Variants in BOP1 observed in about 807,000 individuals in gnomAD.
BOP1 encodes BOP1 ribosomal biogenesis factor.
In BOP1, 54 loss-of-function variants were observed where a neutral mutation model predicts 82.9. That is an observed-to-expected ratio of 0.65 (90% CI 0.52 to 0.82). The LOEUF (loss-of-function observed/expected upper bound fraction) is 0.82. BOP1 is among the 40% of genes least tolerant of loss of function. BOP1 has a pLI of 0.00. For synonymous variants in BOP1, 566 were observed against 451.1 expected (o/e 1.25, Z -3.23); for missense variants, 1,170 against 1,072.0 (o/e 1.09, Z -1.28).
At position 144,262,152 on chromosome 8, in the gene BOP1, C is replaced by G; in HGVS notation, c.*12G>C. On this transcript the variant is annotated 3_prime_UTR_variant, in exon 16 of 16. Transcript: ENST00000569669. ...TCAGCACGACCACCCCAGCCCCAGG[C>G]AGGCAGAACAGCTAGGTGAAGAGGC... The G allele has an allele frequency of 6.2e-7, 1 of 1,612,036 alleles. No individual in the cohort carries two copies. Among genetic ancestry groups the G allele is most frequent in the South Asian group, 1.1e-5 (1 of 91,034 alleles).
intron 3 of BOP1, 128 bp from the exon 4 acceptor site, chr8:144,265,199 C>T: frequency 3.7e-6 from 4 of 1,093,714 alleles, no homozygotes; most frequent in South Asian, 1.5e-5. Context: ...CCTGAGGTCA[C>T]TGGCCCTGAC....
rs782373009 is a variant in BOP1 at position 144,280,574 on chromosome 8, C to T, written c.310-4270G>A. 1.5e-4 allele frequency among the ~76,000 whole-genome samples: 23 copies of T among 152,224 alleles called. 1 individual carries two copies. Among genetic ancestry groups the T allele is most frequent in the South Asian group, 1.0e-3 (5 of 4,832 alleles). On this transcript the variant is annotated intron_variant, in intron 2 of 15. Transcript: ENST00000569669. The stretch of plus-strand genomic sequence containing the variant: ...CTCTCCTTAAATTATCTGGGAAGGC[C>T]GGGCCCAGTGGCTCACACCTGTCAT...
At position 144,277,482 on chromosome 8, in the gene BOP1, G is replaced by A. The variant is rs1554838394; in HGVS notation, c.310-1178C>T. Among the ~76,000 whole-genome samples the A allele has an allele frequency of 3.3e-4, 51 of 152,362 alleles. 2 individuals are homozygous for A. The South Asian group carries it at 9.1e-3, about 27-fold the overall frequency. On this transcript the variant is annotated intron_variant, in intron 2 of 15. Transcript: ENST00000569669. ...CGCCTGGCCTCTGCGGACGGGTACC[G>A]GGCTGGGCTCCCGACCCCTCACAGT...
intron 3 of BOP1, chr8:144,267,018 G>C (rs1486583921): frequency 2.9e-5 from 44 of 1,525,998 alleles, no homozygotes; most frequent in Non-Finnish European, 3.6e-5. Flanking sequence ...TGGCGGGCGA[G>C]GCCTGCGGCG....
At position 144,267,218 on chromosome 8, in the gene BOP1, A is replaced by C. The variant is rs2130211714; in HGVS notation, c.391-2147T>G. The C allele has an allele frequency of 2.7e-6, 4 of 1,485,190 alleles. No individual in the cohort carries two copies. The South Asian group carries it at 5.2e-5, about 19-fold the overall frequency. The allele number at this position is 1,485,190 out of a possible 1,614,324, so 92.0% of individuals were successfully genotyped here. A position where few individuals can be genotyped will look rare whatever the true frequency, so the allele number is the denominator to read the frequency against. On this transcript the variant is annotated intron_variant, in intron 3 of 15. Transcript: ENST00000569669. ...CGTGGGGCGCCGAGGGGGGCCTCCA[A>C]CGCGCCCCTCAGCCCACACCTGCCA...
chr8:144,267,757 A>C (rs1845412061), intron 3 of BOP1, among the ~76,000 whole-genome samples: 1 of 152,168 alleles, frequency 6.6e-6, no homozygotes. Context: ...GGGCCCCTGC[A>C]GGAGACGCTG....
At chr8:144,277,760 G>A (rs1303039700) in intron 2 of BOP1, among the ~76,000 whole-genome samples, 4 of 151,212 alleles carry the variant, frequency 2.6e-5, no homozygotes, top group South Asian at 2.1e-4. Flanking sequence ...ACCAGGGGGC[G>A]ACGGCGCTCA....
intron 2 of BOP1, among the ~76,000 whole-genome samples, chr8:144,285,216 G>A (rs752246961): frequency 4.5e-4 from 68 of 152,334 alleles, no homozygotes; most frequent in Non-Finnish European, 8.1e-4. Context: ...AGGGCTAGGC[G>A]GCCTGGGGAG....
intron 3 of BOP1, chr8:144,268,498 C>T (rs1845433870): frequency 5.2e-6 from 2 of 384,978 alleles, no homozygotes; most frequent in South Asian, 2.9e-5. Context: ...GGCCAACTGT[C>T]CTCATGAAAG....
intron 3 of BOP1, among the ~76,000 whole-genome samples, chr8:144,268,886 G>A (rs1376216844): frequency 6.6e-6 from 1 of 152,202 alleles, no homozygotes; most frequent in Admixed American, 6.5e-5. Context: ...GGGCCCTGAG[G>A]GTGAGGAGGG....
chr8:144,262,735 C>T (rs1332187011), intron 13 of BOP1, 63 bp from the exon 14 acceptor site: 16 of 1,532,558 alleles, frequency 1.0e-5, no homozygotes, highest in African/African-American at 8.4e-5. Flanking sequence ...CTGCCCTGCC[C>T]GTCACCTACA....
In BOP1 at chr8:144,284,798, C is replaced by T. The variant is rs1052168610; in HGVS notation, c.309+4297G>A. Among the ~76,000 whole-genome samples, 70 of 152,204 alleles carry T rather than the reference C, an allele frequency of 4.6e-4. 1 individual carries two copies. Among genetic ancestry groups the T allele is most frequent in the Admixed American group, 2.0e-4 (3 of 15,288 alleles). On this transcript the variant is annotated intron_variant, in intron 2 of 15. Coordinates refer to ENST00000569669, the MANE Select transcript of BOP1 (RefSeq NM_015201.5). The stretch of plus-strand genomic sequence containing the variant: ...ACAGTCCTTAGAAAGGAGGCAGGGT[C>T]GTGTGCATGTCAATGCTAAAGGCCT...
At position 144,264,930 on chromosome 8, in the gene BOP1, C is replaced by T. The variant is rs2130200966; in HGVS notation, c.532G>A (p.Asp178Asn). 4.3e-6 allele frequency: 7 copies of T among 1,611,410 alleles called. No individual in the cohort carries two copies. The Admixed American group carries it at 5.0e-5, about 12-fold the overall frequency. The stretch of plus-strand genomic sequence containing the variant: ...ACCAGCCCTCACCAGTAGTCAGGAT[C>T]GTCCATCTTGTCCAGGAACTGGTCC... ...ELDQFLDKMD[D>N]PDYWRTVQDP... The change falls in exon 4 of 16, where the codon GAT (aspartate) becomes AAT (asparagine). Residue 178 changes from aspartate to asparagine, a missense_variant. Transcript: ENST00000569669.
intron 1 of BOP1, among the ~76,000 whole-genome samples, chr8:144,290,011 G>C (rs1396274088): frequency 6.6e-6 from 1 of 152,192 alleles, no homozygotes; most frequent in Non-Finnish European, 1.5e-5. Flanking sequence ...GGCACACACA[G>C]TGTTCGGGTC....
Position 144,291,280 on chromosome 8 carries a change from C to T in BOP1, c.91G>A (p.Glu31Lys). The T allele has an allele frequency of 6.9e-7, 1 of 1,459,672 alleles. No homozygotes were observed. Among genetic ancestry groups the T allele is most frequent in the Non-Finnish European group, 9.0e-7 (1 of 1,107,574 alleles). The allele number at this position is 1,459,672 out of a possible 1,614,324, so 90.4% of individuals were successfully genotyped here. Residue 31 changes from glutamate (E) to lysine (K), a missense_variant, in exon 1 of 16, where the codon GAG becomes AAG. Coordinates refer to ENST00000569669, the MANE Select transcript of BOP1 (RefSeq NM_015201.5). The surrounding 1 kb of genome is among the most constrained non-coding windows in gnomAD (Gnocchi z 4.1). ...CGCATCGCCACAGTCACCTCCGGCT[C>T]GGGCTCAGGCTCCAGTTCGGGCTCA... ...RSEPELEPEP[E>K]PEPPLLCTSP... is the part of the protein sequence containing the mutation.
chr8:144,264,161 A>T lies in BOP1; in HGVS notation c.979-19T>A, dbSNP rs1255166277. ...CCAAGCGCTGTGGAGACCAAGACACAGGGGTGGGGAGGGTCACAGGGAAGC... is the reference window on the plus strand; with the variant it reads ...CCAAGCGCTGTGGAGACCAAGACACTGGGGTGGGGAGGGTCACAGGGAAGC... On this transcript the variant is annotated intron_variant, in intron 7 of 15. Coordinates refer to ENST00000569669, the MANE Select transcript of BOP1 (RefSeq NM_015201.5). 5.3e-5 allele frequency: 86 copies of T among 1,609,778 alleles called. No individual in the cohort carries two copies. Among genetic ancestry groups the T allele is most frequent in the Non-Finnish European group, 7.0e-5 (83 of 1,178,918 alleles).
At chr8:144,287,151 A>G (rs924308508) in intron 2 of BOP1, among the ~76,000 whole-genome samples, 3 of 152,096 alleles carry the variant, frequency 2.0e-5, no homozygotes, top group African/African-American at 4.8e-5. Flanking sequence ...CTGGGATTAC[A>G]GGCACGCGCC....
At chr8:144,285,382 G>T (rs905235383) in intron 2 of BOP1, among the ~76,000 whole-genome samples, 1 of 152,236 alleles carries the variant, frequency 6.6e-6, no homozygotes, top group Non-Finnish European at 1.5e-5. Flanking sequence ...AGAGGCCACA[G>T]GGGCCACGTC....
intron 3 of BOP1, among the ~76,000 whole-genome samples, chr8:144,271,461 C>T (rs962338470): frequency 9.9e-5 from 15 of 152,096 alleles, no homozygotes; most frequent in Non-Finnish European, 1.9e-4. Context: ...AGCCCCTCTC[C>T]GATTACAATG....
Sources: gnomAD v4.1 joint callset for allele counts (sites outside exome capture counted in the v4.1 genomes callset) on GRCh38, gnomAD v4.1.1 for gene constraint, Gnocchi (gnomAD v3.1) non-coding constraint, MANE v1.5 for transcripts, NCBI Gene and HGNC (gene_info 2026-07-23, HGNC 2026-07-21) for gene names.